Variants in RASGRP1 observed in about 807,000 individuals in gnomAD.
RASGRP1 encodes RAS guanyl releasing protein 1.
RASGRP1 carries 37 observed loss-of-function variants against 95.1 expected under a neutral mutation model. The ratio of observed to expected loss-of-function variants is 0.39; its 90% CI spans 0.30 to 0.51. The LOEUF is 0.51. Ranked by LOEUF, RASGRP1 falls within the 20% of genes least tolerant of loss-of-function variation. The pLI, the probability that RASGRP1 is intolerant of heterozygous loss-of-function variation, is 0.80. For missense variants in RASGRP1, 711 were observed against 965.4 expected (o/e 0.74, Z 3.49); for synonymous variants, 325 against 353.4 (o/e 0.92, Z 0.90).
At chr15:38,510,138 C>T (rs1445765645) in intron 8 of RASGRP1, among the ~76,000 whole-genome samples, 2 of 152,218 alleles carry the variant, frequency 1.3e-5, no homozygotes, top group South Asian at 2.1e-4. Context: ...CCTGGACTTA[C>T]TAATTCACTA....
chr15:38,498,570 CCTG>C (rs61500614), intron 15 of RASGRP1, among the ~76,000 whole-genome samples: 7,351 of 152,004 alleles, frequency 0.048, 450 homozygotes, highest in African/African-American at 0.14. Flanking sequence ...TCAATAAGTA[CCTG>C]CTGATTTTTA....
At chr15:38,505,441 C>A (rs1891214726) in intron 10 of RASGRP1, among the ~76,000 whole-genome samples, 1 of 152,112 alleles carries the variant, frequency 6.6e-6, no homozygotes, top group South Asian at 2.1e-4. Flanking sequence ...TCATTATCAT[C>A]AATGAATCAT....
intron 3 of RASGRP1, among the ~76,000 whole-genome samples, chr15:38,522,175 C>T (rs776015845): frequency 1.3e-5 from 2 of 152,128 alleles, no homozygotes; most frequent in South Asian, 2.1e-4. Flanking sequence ...CAGAGTCTAG[C>T]GGGGGAGACG....
chr15:38,542,864 CAT>C (rs1555403784), intron 2 of RASGRP1, among the ~76,000 whole-genome samples: 7 of 125,684 alleles, frequency 5.6e-5, no homozygotes, highest in Admixed American at 3.9e-4. Context: ...TATATATACA[CAT>C]ATATGTGTAT....
intron 13 of RASGRP1, 76 bp downstream of exon 13, chr15:38,501,067 T>G: frequency 4.1e-6 from 6 of 1,450,894 alleles, no homozygotes; most frequent in South Asian, 1.4e-5. Flanking sequence ...ATAAGGATTG[T>G]GAGGTCTGTG....
chr15:38,547,366 A>G (rs1016912771), intron 2 of RASGRP1, among the ~76,000 whole-genome samples: 6 of 152,242 alleles, frequency 3.9e-5, no homozygotes, highest in South Asian at 2.1e-4. Flanking sequence ...TGCAAACTTA[A>G]CACCCTCTAA....
At chr15:38,505,995 G>C (rs759564762) in intron 9 of RASGRP1, 75 bp from the exon 10 acceptor site, 1 of 1,223,802 alleles carries the variant, frequency 8.2e-7, no homozygotes, top group Non-Finnish European at 1.2e-6. Flanking sequence ...TTCTTTCTTG[G>C]ATTTTCCTTG....
chr15:38,511,864 A>T lies in RASGRP1; in HGVS notation c.850-144T>A. 1.1e-5 allele frequency: 7 copies of T among 616,766 alleles called. No homozygotes were observed. The South Asian group carries it at 1.2e-4, about 10-fold the overall frequency. The allele number at this position is 616,766 out of a possible 1,614,324, so 38.2% of individuals were successfully genotyped here. On this transcript the variant is annotated intron_variant, in intron 7 of 16. Transcript: ENST00000310803. ...TACGAGGCATTGCAATTTCCTGTCC[A>T]TGTCTCCCCTTCTGCTTTATTCAGA...
At chr15:38,540,516 G>A (rs955453940) in intron 2 of RASGRP1, among the ~76,000 whole-genome samples, 15 of 152,210 alleles carry the variant, frequency 9.9e-5, no homozygotes, top group Non-Finnish European at 1.8e-4. Flanking sequence ...GGGCATGTGG[G>A]AAGGCGATGG....
At chr15:38,501,492 C>G in intron 12 of RASGRP1, 1 of 719,366 alleles carries the variant, frequency 1.4e-6, no homozygotes, top group Non-Finnish European at 2.5e-6. Context: ...CAGCATTACT[C>G]ATTTCCACAG....
intron 16 of RASGRP1, among the ~76,000 whole-genome samples, chr15:38,492,712 G>A (rs62003579): frequency 0.011 from 1,708 of 152,238 alleles, 20 homozygotes; most frequent in Non-Finnish European, 0.019. Flanking sequence ...CTTACCATTT[G>A]TAGGTTCTTA....
intron 10 of RASGRP1, chr15:38,504,268 T>A (rs1322568631): frequency 3.9e-5 from 6 of 152,094 alleles, no homozygotes; most frequent in Admixed American, 3.9e-4. Flanking sequence ...TTTCTTAAAT[T>A]TTTTCTTCAA....
intron 2 of RASGRP1, among the ~76,000 whole-genome samples, chr15:38,545,754 T>C (rs1213786155): frequency 2.6e-5 from 4 of 152,156 alleles, no homozygotes; most frequent in Non-Finnish European, 5.9e-5. Flanking sequence ...GTACCTAATT[T>C]CAGGCACTCC....
chr15:38,492,885 CTTT>C (rs1273312659), intron 16 of RASGRP1, among the ~76,000 whole-genome samples: 2 of 142,902 alleles, frequency 1.4e-5, no homozygotes, highest in Non-Finnish European at 1.5e-5. Flanking sequence ...TCCCCACCCG[CTTT>C]TTTTTTTTTT....
At chr15:38,523,508 T>C (rs1237931188) in intron 3 of RASGRP1, among the ~76,000 whole-genome samples, 2 of 152,210 alleles carry the variant, frequency 1.3e-5, no homozygotes, top group African/African-American at 2.4e-5. Context: ...CACAGTAAGC[T>C]AAATTATTAT....
intron 11 of RASGRP1, 154 bp downstream of exon 11, chr15:38,503,116 CTT>C (rs1449065447): frequency 1.9e-5 from 12 of 639,638 alleles, no homozygotes; most frequent in Non-Finnish European, 3.3e-5. Context: ...CAAAATGTAA[CTT>C]TTGAATTGTT....
intron 9 of RASGRP1, among the ~76,000 whole-genome samples, chr15:38,507,224 C>T (rs1891295689): frequency 6.6e-6 from 1 of 152,210 alleles, no homozygotes; most frequent in Non-Finnish European, 1.5e-5. Context: ...ATGCAAAATG[C>T]AAATCCTGGT....
intron 9 of RASGRP1, 124 bp downstream of exon 9, chr15:38,507,602 A>G: frequency 9.1e-7 from 1 of 1,099,256 alleles, no homozygotes; most frequent in East Asian, 2.6e-5. Context: ...TATGTTGGAG[A>G]TAGTAATAGG....
chr15:38,556,670 C>T (rs972769712), intron 2 of RASGRP1, among the ~76,000 whole-genome samples: 1 of 152,302 alleles, frequency 6.6e-6, no homozygotes, highest in Middle Eastern at 3.4e-3. Flanking sequence ...TTGCACACTT[C>T]GCCTATGGTT....
Sources: allele counts gnomAD v4.1 joint callset (sites outside exome capture counted in the v4.1 genomes callset), GRCh38; gene constraint gnomAD v4.1.1; transcripts MANE v1.5; gene names NCBI Gene and HGNC (gene_info 2026-07-23, HGNC 2026-07-21).